The following ITGA6 variants were observed in gnomAD, a reference collection of about 807,000 sequenced individuals.
ITGA6 encodes integrin alpha-6.
A neutral mutation model predicts 133.6 loss-of-function variants in ITGA6; 63 were observed. That is an observed-to-expected ratio of 0.47 (90% confidence interval 0.38 to 0.58). ITGA6 has a LOEUF of 0.58. ITGA6 is among the 20% of genes least tolerant of loss of function. The probability of loss-of-function intolerance (pLI) is 0.00; values close to 1 mark genes in which losing one functional copy is unlikely to be tolerated. For missense variants in ITGA6, 1,068 were observed against 1,309.4 expected, an observed-to-expected ratio of 0.82 and a Z score of 2.85; for synonymous variants, 434 against 482.0, an observed-to-expected ratio of 0.90 and a Z score of 1.30.
At chr2:172,429,448 TCTC>T (rs2148988381) in intron 1 of ITGA6, among the ~76,000 whole-genome samples, 1 of 150,246 alleles carries the variant, frequency 6.7e-6, no homozygotes, top group African/African-American at 2.4e-5. Flanking sequence ...GGGAATTCAT[TCTC>T]CTGGGCATTC....
chr2:172,502,584 T>C lies in ITGA6; in HGVS notation c.*22+683T>C, dbSNP rs146760887. ...TTTTATGGCCAACTTCAGAAGATGA[T>C]CCCTTACCAAAGTTACCTTCCATCT... On this transcript the variant is annotated intron_variant, in intron 25 of 25. Transcript: ENST00000684293. Among the ~76,000 whole-genome samples the C allele has an allele frequency of 3.2e-3, 490 of 152,310 alleles. 2 individuals are homozygous for C. The highest frequency in any genetic ancestry group is 0.011 in the African/African-American group (439 of 41,568).
At chr2:172,433,262 C>G (rs1039597662) in intron 1 of ITGA6, among the ~76,000 whole-genome samples, 1 of 152,144 alleles carries the variant, frequency 6.6e-6, no homozygotes, top group Admixed American at 6.5e-5. Flanking sequence ...CTTGGGCAAC[C>G]TTTTATAAAA....
At chr2:172,459,126 G>A (rs1685326752) in intron 1 of ITGA6, among the ~76,000 whole-genome samples, 2 of 152,180 alleles carry the variant, frequency 1.3e-5, no homozygotes, top group Non-Finnish European at 2.9e-5. Context: ...GAGTTTCCAG[G>A]AAATTCATGT....
chr2:172,441,600 ACCTCAGTGC>A (rs1684547879), intron 1 of ITGA6, among the ~76,000 whole-genome samples: 1 of 145,782 alleles, frequency 6.9e-6, no homozygotes, highest in African/African-American at 2.5e-5. Flanking sequence ...AAAAAATCAA[ACCTCAGTGC>A]ATAAGACACA....
At chr2:172,487,481 G>C in intron 15 of ITGA6, 28 bp downstream of exon 15, 1 of 1,611,882 alleles carries the variant, frequency 6.2e-7, no homozygotes. Context: ...CCAGCTGAGA[G>C]GGGAAAAAAA....
intron 3 of ITGA6, 157 bp from the exon 4 acceptor site, chr2:172,468,965 TGGG>T: frequency 2.7e-6 from 2 of 731,060 alleles, no homozygotes; most frequent in African/African-American, 3.5e-5. Context: ...AGTGCCACTT[TGGG>T]GAATATTTGC....
intron 8 of ITGA6, among the ~76,000 whole-genome samples, 195 bp downstream of exon 8, chr2:172,475,880 T>C (rs1686153922): frequency 6.6e-6 from 1 of 152,220 alleles, no homozygotes; most frequent in Non-Finnish European, 1.5e-5. Context: ...CTTGTTCTAA[T>C]TGTAAAATTT....
In ITGA6 at chr2:172,471,073, G is replaced by A. The variant is rs763863109; in HGVS notation, c.743G>A (p.Ser248Asn). The A allele has an allele frequency of 1.2e-6, 2 of 1,614,218 alleles. No homozygotes were observed. Among genetic ancestry groups the A allele is most frequent in the Non-Finnish European group, 1.7e-6 (2 of 1,180,026 alleles). Residue 248 changes from serine (S) to asparagine (N), a missense_variant, in exon 5 of 26, where the codon AGT becomes AAT. This residue lies in a region of ITGA6 where 317 missense variants were observed against 456.9 expected (regional missense o/e 0.69). Coordinates refer to ENST00000684293, the MANE Select transcript of ITGA6 (RefSeq NM_000210.4). ...GGTGGAGAGACTGAGCATGATGAAA[G>A]TCTCGTTCCTGTTCCTGCTAACAGT... ...EVGGETEHDESLVPVPANSYL... is the reference protein window; with the variant it reads ...EVGGETEHDENLVPVPANSYL...
chr2:172,461,943 T>C (rs1287620300), intron 1 of ITGA6, among the ~76,000 whole-genome samples: 1 of 152,170 alleles, frequency 6.6e-6, no homozygotes, highest in Non-Finnish European at 1.5e-5. Context: ...ACAGCTCTAT[T>C]TACCTTATTT....
intron 1 of ITGA6, chr2:172,465,157 C>A: frequency 3.5e-6 from 1 of 282,736 alleles, no homozygotes; most frequent in East Asian, 8.6e-5. Flanking sequence ...TTTTTCCTTC[C>A]ATTGTCACAA....
intron 24 of ITGA6, among the ~76,000 whole-genome samples, chr2:172,499,592 G>C (rs537482318): frequency 1.3e-5 from 2 of 152,262 alleles, no homozygotes; most frequent in East Asian, 3.9e-4. Context: ...CAACTCCTGG[G>C]CTCAAGCAAT....
rs1683908595 is a variant in ITGA6, at chr2:172,427,761, C to A, written c.-28C>A. 1.3e-6 allele frequency: 2 copies of A among 1,555,232 alleles called. No individual in the cohort carries two copies. Among genetic ancestry groups the A allele is most frequent in the Non-Finnish European group, 8.7e-7 (1 of 1,152,106 alleles). On this transcript the variant is annotated 5_prime_UTR_variant, in exon 1 of 26. Coordinates refer to ENST00000684293, the MANE Select transcript of ITGA6 (RefSeq NM_000210.4). Reference sequence around the variant, plus strand: ...GGAGCGCAGGGCGGCCGCTGCAGGTCCCCGCTCCCCTCCCCGTGCGTCCGC... The same window carrying A: ...GGAGCGCAGGGCGGCCGCTGCAGGTACCCGCTCCCCTCCCCGTGCGTCCGC...
At chr2:172,434,635 TA>T (rs1684243154) in intron 1 of ITGA6, among the ~76,000 whole-genome samples, 1 of 152,000 alleles carries the variant, frequency 6.6e-6, no homozygotes. Flanking sequence ...TGTTCTGAAT[TA>T]GGGGGAATGG....
intron 6 of ITGA6, among the ~76,000 whole-genome samples, chr2:172,474,539 CAG>C (rs1686081686): frequency 6.6e-6 from 1 of 152,110 alleles, no homozygotes; most frequent in African/African-American, 2.4e-5. Flanking sequence ...AAAATTGACT[CAG>C]AAAACACTTG....
At position 172,484,834 on chromosome 2, in the gene ITGA6, C is replaced by T; in HGVS notation, c.1602C>T (p.Ser534=). 2 of 1,614,048 alleles carry T rather than the reference C, an allele frequency of 1.2e-6. No individual in the cohort carries two copies. The highest frequency in any genetic ancestry group is 1.7e-6 in the Non-Finnish European group (2 of 1,179,904). The change falls in exon 12 of 26, where the codon TCC becomes TCT. Residue 534 remains serine (S), a synonymous_variant. Coordinates refer to ENST00000684293, the MANE Select transcript of ITGA6 (RefSeq NM_000210.4). ...AAGAAAGAAGAAAATCTGGGCTATC[C>T]TCAAGAGTTCAGTTTCGAAACCAAG... ...AEKERRKSGL[S]SRVQFRNQGS...
intron 1 of ITGA6, among the ~76,000 whole-genome samples, chr2:172,456,950 G>A (rs1266622410): frequency 6.7e-6 from 1 of 149,734 alleles, no homozygotes; most frequent in Non-Finnish European, 1.5e-5. Flanking sequence ...CATTTTAGTT[G>A]TGAATGCTGA....
intron 3 of ITGA6, 154 bp from the exon 4 acceptor site, chr2:172,468,971 A>C: frequency 1.3e-6 from 1 of 756,742 alleles, no homozygotes; most frequent in Non-Finnish European, 2.3e-6. Context: ...ACTTTGGGGA[A>C]TATTTGCTGG....
At chr2:172,468,236 G>C (rs772003848) in intron 3 of ITGA6, among the ~76,000 whole-genome samples, 1 of 152,126 alleles carries the variant, frequency 6.6e-6, no homozygotes, top group African/African-American at 2.4e-5. Context: ...TTAACCTCTT[G>C]TTATTTATTC....
chr2:172,501,200 C>G (rs1418799072), intron 24 of ITGA6, among the ~76,000 whole-genome samples: 2 of 152,120 alleles, frequency 1.3e-5, no homozygotes, highest in Non-Finnish European at 2.9e-5. Flanking sequence ...GGGAAAATGA[C>G]AGCAATCATT....
Sources: allele counts gnomAD v4.1 joint callset (sites outside exome capture counted in the v4.1 genomes callset), GRCh38; gene constraint gnomAD v4.1.1; regional missense constraint gnomAD v4.1.1; transcripts MANE v1.5; gene names NCBI Gene and HGNC (gene_info 2026-07-23, HGNC 2026-07-21).